Variants in HNF1B observed in about 807,000 individuals in gnomAD.
The protein encoded by HNF1B is HNF1 homeobox B.
A neutral mutation model predicts 61.7 loss-of-function variants in HNF1B; 8 were observed. That is an observed-to-expected ratio of 0.13 (90% CI 0.08 to 0.23). HNF1B has a LOEUF of 0.23. Ranked by LOEUF, HNF1B falls within the 10% of genes least tolerant of loss-of-function variation. HNF1B has a pLI of 1.00. For missense variants in HNF1B, 562 were observed against 714.5 expected (o/e 0.79, Z 2.43); for synonymous variants, 314 against 287.7 (o/e 1.09, Z -0.93).
At chr17:37,706,522 A>T (rs1420169486) in intron 5 of HNF1B, among the ~76,000 whole-genome samples, 1 of 152,150 alleles carries the variant, frequency 6.6e-6, no homozygotes, top group Non-Finnish European at 1.5e-5. Flanking sequence ...AATTTGAAAA[A>T]GAAAGAAAGC....
At chr17:37,742,131 C>T (rs957114983) in intron 1 of HNF1B, among the ~76,000 whole-genome samples, 1 of 152,236 alleles carries the variant, frequency 6.6e-6, no homozygotes, top group Non-Finnish European at 1.5e-5. Context: ...CCGCAGGGTC[C>T]GTCCCGCACG....
chr17:37,699,034 C>G, intron 8 of HNF1B, 42 bp downstream of exon 8: 1 of 1,430,550 alleles, frequency 7.0e-7, no homozygotes, highest in Non-Finnish European at 9.9e-7. Flanking sequence ...CCTTATCACA[C>G]CCTGCCCACA....
At chr17:37,732,128 G>C (rs914098038) in intron 3 of HNF1B, among the ~76,000 whole-genome samples, 1 of 152,202 alleles carries the variant, frequency 6.6e-6, no homozygotes, top group Non-Finnish European at 1.5e-5. Flanking sequence ...GGGACAGGCA[G>C]TCCAGGGGAA....
intron 5 of HNF1B, among the ~76,000 whole-genome samples, chr17:37,708,022 A>C (rs147399501): frequency 3.3e-5 from 5 of 152,338 alleles, no homozygotes; most frequent in African/African-American, 1.2e-4. Flanking sequence ...TGCTACAAGC[A>C]ATCTTCACAC....
chr17:37,687,898 G>T (rs1165135575), intron 8 of HNF1B, among the ~76,000 whole-genome samples: 2 of 152,156 alleles, frequency 1.3e-5, no homozygotes, highest in Admixed American at 6.5e-5. Context: ...TAGGCCTGGG[G>T]TGCACCTAAG....
intron 3 of HNF1B, among the ~76,000 whole-genome samples, chr17:37,733,178 G>C (rs952813106): frequency 6.6e-6 from 1 of 152,092 alleles, no homozygotes; most frequent in African/African-American, 2.4e-5. Flanking sequence ...ACACAATTTC[G>C]CTTCCCAAGT....
At chr17:37,740,120 C>T (rs1429986774) in intron 1 of HNF1B, among the ~76,000 whole-genome samples, 1 of 152,140 alleles carries the variant, frequency 6.6e-6, no homozygotes, top group African/African-American at 2.4e-5. Flanking sequence ...AGATGCCCAG[C>T]ACCACACCCA....
At chr17:37,731,574 T>C (rs752767741) in intron 4 of HNF1B, 21 bp downstream of exon 4, 55 of 1,590,954 alleles carry the variant, frequency 3.5e-5, no homozygotes, top group Non-Finnish European at 3.8e-5. Context: ...GCCGAGGCAG[T>C]GAGGCCCAAC....
At chr17:37,741,640 A>C (rs1267787535) in intron 1 of HNF1B, among the ~76,000 whole-genome samples, 2 of 152,238 alleles carry the variant, frequency 1.3e-5, no homozygotes, top group Non-Finnish European at 2.9e-5. Flanking sequence ...TACGAACAAG[A>C]CTCCTCGAAC....
At chr17:37,699,686 C>G (rs1224972136) in intron 7 of HNF1B, among the ~76,000 whole-genome samples, 1 of 152,168 alleles carries the variant, frequency 6.6e-6, no homozygotes, top group Non-Finnish European at 1.5e-5. Flanking sequence ...AAGTGGGGAG[C>G]ACATCACCAG....
chr17:37,735,962 G>A (rs1480390021), intron 2 of HNF1B, among the ~76,000 whole-genome samples: 4 of 152,108 alleles, frequency 2.6e-5, no homozygotes, highest in South Asian at 4.2e-4. Flanking sequence ...ACGGGGTCTC[G>A]CTATGTTGCC....
intron 8 of HNF1B, among the ~76,000 whole-genome samples, 171 bp downstream of exon 8, chr17:37,698,905 G>A (rs1337603345): frequency 1.6e-5 from 1 of 63,082 alleles, no homozygotes; most frequent in Non-Finnish European, 3.0e-5. Context: ...CTTTCAGCCT[G>A]TGGCCCTTTT....
chr17:37,734,785 A>G (rs2033785964), intron 2 of HNF1B, among the ~76,000 whole-genome samples: 3 of 136,602 alleles, frequency 2.2e-5, no homozygotes, highest in Non-Finnish European at 3.1e-5. Flanking sequence ...CTGGATCTTA[A>G]TATCTTTTTT....
intron 8 of HNF1B, among the ~76,000 whole-genome samples, chr17:37,696,655 G>C (rs968664914): frequency 1.3e-5 from 2 of 152,184 alleles, no homozygotes; most frequent in African/African-American, 4.8e-5. Context: ...CCCAGCCTCA[G>C]ATATTTCTTT....
chr17:37,690,856 C>T (rs1004007023), intron 8 of HNF1B, among the ~76,000 whole-genome samples: 2 of 152,212 alleles, frequency 1.3e-5, no homozygotes, highest in African/African-American at 4.8e-5. Flanking sequence ...TGAGTGAGCA[C>T]TCAGTAGGGA....
At chr17:37,703,652 A>G (rs979209886) in intron 6 of HNF1B, among the ~76,000 whole-genome samples, 2 of 152,186 alleles carry the variant, frequency 1.3e-5, no homozygotes, top group African/African-American at 4.8e-5. Flanking sequence ...TCAAAAGGCA[A>G]TACATTTAAA....
chr17:37,726,669 C>A (rs1436079548), intron 4 of HNF1B, among the ~76,000 whole-genome samples: 1 of 152,132 alleles, frequency 6.6e-6, no homozygotes, highest in Non-Finnish European at 1.5e-5. Context: ...AGGCAGGATT[C>A]TCTGTTTTTC....
At chr17:37,739,354 C>G in intron 2 of HNF1B, 86 bp downstream of exon 2, 1 of 1,272,380 alleles carries the variant, frequency 7.9e-7, no homozygotes, top group Non-Finnish European at 1.1e-6. Context: ...AAGGCCTTGT[C>G]GATGAAAGGG....
intron 5 of HNF1B, among the ~76,000 whole-genome samples, chr17:37,708,597 G>A (rs894783811): frequency 2.6e-5 from 4 of 152,278 alleles, no homozygotes; most frequent in South Asian, 4.1e-4. Context: ...GACCTCTTCC[G>A]TAAGGCACCC....
Sources: gnomAD v4.1 joint callset for allele counts (sites outside exome capture counted in the v4.1 genomes callset) on GRCh38, gnomAD v4.1.1 for gene constraint, MANE v1.5 for transcripts, NCBI Gene and HGNC (gene_info 2026-07-23, HGNC 2026-07-21) for gene names.